Variants in ATIC observed in about 807,000 individuals in gnomAD.
ATIC encodes bifunctional purine biosynthesis protein ATIC.
A neutral mutation model predicts 72.5 loss-of-function variants in ATIC; 64 were observed. The observed-to-expected ratio is 0.88, with a 90% CI of 0.72 to 1.09. The LOEUF (loss-of-function observed/expected upper bound fraction) is 1.09, where lower values mean the gene tolerates loss of function less well. Among genes scored for constraint, ATIC ranks in the 50% least tolerant of loss-of-function variants. ATIC has a pLI of 0.00. For missense variants in ATIC, 787 were observed against 732.4 expected (o/e 1.07, Z -0.86); for synonymous variants, 281 against 267.1 (o/e 1.05, Z -0.51).
intron 4 of ATIC, among the ~76,000 whole-genome samples, chr2:215,324,450 A>G (rs962994459): frequency 6.6e-6 from 1 of 152,180 alleles, no homozygotes; most frequent in Non-Finnish European, 1.5e-5. Flanking sequence ...TTTTGTGTGA[A>G]GATACCTAAG....
chr2:215,365,845 G>A, the ATIC span: 12 of 226,964 alleles, frequency 5.3e-5, no homozygotes, highest in East Asian at 1.1e-3. Flanking sequence ...TTTCTCTGTC[G>A]CCCAGACTGG....
the ATIC span, chr2:215,361,597 C>T: frequency 1.2e-6 from 2 of 1,612,028 alleles, no homozygotes; most frequent in Non-Finnish European, 1.7e-6. Flanking sequence ...CATCTAAAGG[C>T]ATGAAGCACT....
intron 7 of ATIC, among the ~76,000 whole-genome samples, chr2:215,328,376 C>T (rs933589870): frequency 6.6e-6 from 1 of 152,164 alleles, no homozygotes; most frequent in African/African-American, 2.4e-5. Context: ...AAGCACTTTG[C>T]CCTGCCCCAC....
chr2:215,362,761 A>G, the ATIC span: 1 of 153,640 alleles, frequency 6.5e-6, no homozygotes, highest in East Asian at 1.9e-4. Flanking sequence ...GAGGACACAC[A>G]TGTTCTCTTT....
downstream of ATIC, among the ~76,000 whole-genome samples, chr2:215,353,825 G>T (rs762645751): frequency 3.9e-5 from 6 of 152,102 alleles, no homozygotes; most frequent in Non-Finnish European, 8.8e-5. Flanking sequence ...GCCTTCCAAA[G>T]TGCTGGGATT....
chr2:215,363,377 GGAGAGA>G, the ATIC span: 37,692 of 150,400 alleles, frequency 0.25, 5,776 homozygotes, highest in East Asian at 0.71. Context: ...AGTGTTAATG[GGAGAGA>G]GAGAGAGAGA....
At chr2:215,354,131 G>A (rs1411581987), downstream of ATIC, among the ~76,000 whole-genome samples, 1 of 151,932 alleles carries the variant, frequency 6.6e-6, no homozygotes, top group African/African-American at 2.4e-5. Context: ...TGGTTCAAGC[G>A]ATTCTCATGC....
intron 13 of ATIC, 78 bp downstream of exon 13, chr2:215,344,949 A>T: frequency 7.0e-7 from 1 of 1,422,958 alleles, no homozygotes; most frequent in Non-Finnish European, 9.8e-7. Flanking sequence ...TGCCTTAGAT[A>T]TTGGACAGCT....
intron 4 of ATIC, among the ~76,000 whole-genome samples, chr2:215,322,023 C>T (rs1370077571): frequency 6.6e-6 from 1 of 152,006 alleles, no homozygotes; most frequent in Non-Finnish European, 1.5e-5. Flanking sequence ...GCCTCAGTCT[C>T]ATGAGTAGCT....
downstream of ATIC, among the ~76,000 whole-genome samples, chr2:215,350,497 C>T (rs767410698): frequency 6.6e-6 from 1 of 152,172 alleles, no homozygotes; most frequent in Non-Finnish European, 1.5e-5. Context: ...AAACAAACAG[C>T]AGATTGGCAC....
rs1415582686 is a variant in ATIC, at chr2:215,325,312, T to G, written c.362T>G (p.Val121Gly). 2.5e-6 allele frequency: 4 copies of G among 1,613,440 alleles called. No individual in the cohort carries two copies. The African/African-American group carries it at 5.3e-5, about 22-fold the overall frequency. The change falls in exon 5 of 16, where the codon GTG becomes GGG. Residue 121 changes from valine to glycine, a missense_variant. Coordinates refer to ENST00000236959, the MANE Select transcript of ATIC (RefSeq NM_004044.7). ...CCAGGTGTAACTGTTGAGGAGGCTG[T>G]GGAGCAAATTGACATTGGTAAGTCA... ...ASPGVTVEEA[V>G]EQIDIGGVTL...
intron 4 of ATIC, 65 bp downstream of exon 4, chr2:215,319,796 G>A: frequency 7.8e-7 from 1 of 1,287,310 alleles, no homozygotes; most frequent in East Asian, 2.3e-5. Context: ...GCCAAACCTG[G>A]TGTCCCTGTG....
At chr2:215,322,278 G>A (rs932062898) in intron 4 of ATIC, among the ~76,000 whole-genome samples, 2 of 151,300 alleles carry the variant, frequency 1.3e-5, no homozygotes, top group Admixed American at 1.3e-4. Flanking sequence ...TCATGTCTAA[G>A]AAACCATTGC....
downstream of ATIC, among the ~76,000 whole-genome samples, chr2:215,350,229 C>T (rs1417864862): frequency 3.3e-5 from 5 of 152,106 alleles, no homozygotes; most frequent in Admixed American, 2.6e-4. Flanking sequence ...CTCCGCCTCC[C>T]GGGTTCAAGC....
Position 215,319,192 on chromosome 2 carries a change from T to C in ATIC, c.224-473T>C, listed in dbSNP as rs193164728. ...ACTGTGGCCAGCCAGATATATCTGT[T>C]AATCCTAATTTTTTTGTTTGATAAC... is the stretch of plus-strand genomic sequence containing the variant. On this transcript the variant is annotated intron_variant, in intron 3 of 15. Transcript: ENST00000236959. Among the ~76,000 whole-genome samples the C allele has an allele frequency of 1.9e-4, 29 of 152,294 alleles. No individual in the cohort carries two copies. In the East Asian group the frequency reaches 5.4e-3, roughly 28 times the overall value.
chr2:215,339,905 G>A (rs973713611), intron 12 of ATIC, among the ~76,000 whole-genome samples: 1 of 152,170 alleles, frequency 6.6e-6, no homozygotes, highest in African/African-American at 2.4e-5. Context: ...CAAAGTGCTG[G>A]GGTTACAGGC....
chr2:215,335,989 T>C, intron 10 of ATIC, 46 bp from the exon 11 acceptor site: 1 of 1,448,518 alleles, frequency 6.9e-7, no homozygotes, highest in Non-Finnish European at 9.6e-7. Flanking sequence ...TTAAGAGGTG[T>C]TCTCTGATTT....
chr2:215,356,234 C>G, the ATIC span, among the ~76,000 whole-genome samples: 2 of 152,090 alleles, frequency 1.3e-5, no homozygotes, highest in Non-Finnish European at 2.9e-5. Context: ...TTTCATAATG[C>G]TTTTGTGTAT....
At chr2:215,331,596 C>G (rs1178966473) in intron 7 of ATIC, among the ~76,000 whole-genome samples, 1 of 152,170 alleles carries the variant, frequency 6.6e-6, no homozygotes, top group South Asian at 2.1e-4. Flanking sequence ...GTTGACCAGG[C>G]TGATCTCGAA....
Sources: gnomAD v4.1 joint callset for allele counts (sites outside exome capture counted in the v4.1 genomes callset) on GRCh38, gnomAD v4.1.1 for gene constraint, MANE v1.5 for transcripts, NCBI Gene and HGNC (gene_info 2026-07-23, HGNC 2026-07-21) for gene names.